Variants in GRM7 observed in about 807,000 individuals in gnomAD.
GRM7 encodes the protein metabotropic glutamate receptor 7.
In GRM7, 35 loss-of-function variants were observed where a neutral mutation model predicts 84.5. The ratio of observed to expected loss-of-function variants is 0.41; its 90% CI spans 0.32 to 0.55. The LOEUF (loss-of-function observed/expected upper bound fraction) is 0.55, where lower values mean the gene tolerates loss of function less well. Among genes scored for constraint, GRM7 ranks in the 20% least tolerant of loss-of-function variants. GRM7 has a pLI of 0.19. For synonymous variants in GRM7, 487 were observed against 455.1 expected (o/e 1.07, Z -0.89); for missense variants, 1,003 against 1,194.6 (o/e 0.84, Z 2.36).
At chr3:7,638,483 GC>G (rs1242827512) in intron 8 of GRM7, among the ~76,000 whole-genome samples, 5 of 152,148 alleles carry the variant, frequency 3.3e-5, no homozygotes, top group African/African-American at 1.2e-4. Flanking sequence ...AAAGTGGGAT[GC>G]CCACTAAGGT....
In GRM7 at chr3:7,435,679, GTTTTTT is replaced by G. The variant is rs71066011; in HGVS notation, c.1175-16907_1175-16902del. Among the ~76,000 whole-genome samples, 611 of 88,518 alleles carry G rather than the reference GTTTTTT, an allele frequency of 6.9e-3. 4 individuals carry two copies. Among genetic ancestry groups the G allele is most frequent in the African/African-American group, 0.026 (540 of 20,600 alleles). 58.1% of individuals were successfully genotyped at this position (88,518 alleles called of 152,430 possible). On this transcript the variant is annotated intron_variant, in intron 5 of 9. Transcript: ENST00000357716. ...AGGCCCTTGCCACCACATCCGGCTA[GTTTTTT>G]TTTTTTTTTTTTTTTTTTTTGAGAC...
intron 5 of GRM7, among the ~76,000 whole-genome samples, chr3:7,447,038 A>G (rs545637098): frequency 7.6e-6 from 1 of 131,290 alleles, no homozygotes; most frequent in East Asian, 2.0e-4. Flanking sequence ...TTTTAAAGAT[A>G]AATACTGGAC....
intron 1 of GRM7, among the ~76,000 whole-genome samples, chr3:6,978,675 C>T (rs1694088591): frequency 6.6e-6 from 1 of 152,050 alleles, no homozygotes; most frequent in African/African-American, 2.4e-5. Context: ...GAGATGATGA[C>T]TTATCTACAT....
chr3:7,613,046 T>G (rs1043183333), intron 8 of GRM7, among the ~76,000 whole-genome samples: 1 of 151,900 alleles, frequency 6.6e-6, no homozygotes, highest in South Asian at 2.1e-4. Flanking sequence ...TTTTTTTTTT[T>G]AACATATTTA....
chr3:7,197,296 C>T (rs1237326584), intron 2 of GRM7, among the ~76,000 whole-genome samples: 1 of 152,196 alleles, frequency 6.6e-6, no homozygotes, highest in Non-Finnish European at 1.5e-5. Flanking sequence ...GCCACTTTGA[C>T]ACTCACCAGT....
At chr3:7,348,734 C>T (rs1693001873) in intron 4 of GRM7, among the ~76,000 whole-genome samples, 1 of 152,092 alleles carries the variant, frequency 6.6e-6, no homozygotes, top group Non-Finnish European at 1.5e-5. Context: ...TATGAGGCTA[C>T]ATCTCAGATC....
chr3:7,317,049 G>A (rs758148381), intron 4 of GRM7, among the ~76,000 whole-genome samples: 1 of 152,148 alleles, frequency 6.6e-6, no homozygotes. Flanking sequence ...TTAGAGTGGA[G>A]CGATTTCATC....
At chr3:6,901,089 A>G (rs997085193) in intron 1 of GRM7, among the ~76,000 whole-genome samples, 2 of 152,210 alleles carry the variant, frequency 1.3e-5, no homozygotes, top group Non-Finnish European at 2.9e-5. Context: ...GATTGGATGT[A>G]TATTACATTT....
At chr3:7,264,566 T>TTCTTCCCCTTCAGCCCAGCA (rs566523657) in intron 2 of GRM7, among the ~76,000 whole-genome samples, 4,842 of 152,164 alleles carry the variant, frequency 0.032, 259 homozygotes, top group African/African-American at 0.11. Context: ...AGTTGCCAGC[T>TTCTTCCCCTTCAGCCCAGCA]TCTTCCCCTT....
chr3:7,327,564 A>G (rs1264178771), intron 4 of GRM7, among the ~76,000 whole-genome samples: 1 of 152,214 alleles, frequency 6.6e-6, no homozygotes, highest in Non-Finnish European at 1.5e-5. Context: ...AGTGTTATCT[A>G]AGTGCAAAAT....
intron 1 of GRM7, among the ~76,000 whole-genome samples, chr3:6,883,901 A>G (rs192721753): frequency 6.6e-6 from 1 of 152,338 alleles, no homozygotes; most frequent in African/African-American, 2.4e-5. Flanking sequence ...CTCTTCTGGA[A>G]ATGAGCAGCA....
chr3:7,076,696 A>G (rs566980447), intron 1 of GRM7, among the ~76,000 whole-genome samples: 29 of 152,298 alleles, frequency 1.9e-4, no homozygotes, highest in African/African-American at 7.0e-4. Context: ...TCTAAAGATC[A>G]CTGTTCAAAG....
Position 6,862,587 on chromosome 3 carries a change from G to A in GRM7, c.519+680G>A, listed in dbSNP as rs1023815482. Among the ~76,000 whole-genome samples, 14 of 152,192 alleles carry A rather than the reference G, an allele frequency of 9.2e-5. No homozygotes were observed. The highest frequency in any genetic ancestry group is 1.8e-4 in the Non-Finnish European group (12 of 68,038). On this transcript the variant is annotated intron_variant, in intron 1 of 9. Transcript: ENST00000357716. This position sits in a 1 kb window ranked among gnomAD's most constrained non-coding sequence, Gnocchi z 5.2. ...GTTGGTTTGCTCCGGGCAATATTTT[G>A]CACCGTCTAAATTACATGTGCGATC...
chr3:7,568,752 G>A (rs1426176380), intron 7 of GRM7, among the ~76,000 whole-genome samples: 9 of 152,274 alleles, frequency 5.9e-5, no homozygotes, highest in African/African-American at 1.7e-4. Flanking sequence ...CAGCGGTTGC[G>A]GAGGGTGTAC....
intron 4 of GRM7, among the ~76,000 whole-genome samples, chr3:7,362,341 TACAC>T (rs35321936): frequency 1.2e-4 from 17 of 147,804 alleles, no homozygotes; most frequent in Non-Finnish European, 1.2e-4. Context: ...TTTTAAAGAA[TACAC>T]ACACACACAC....
intron 2 of GRM7, among the ~76,000 whole-genome samples, chr3:7,278,858 A>C (rs1045464993): frequency 6.6e-6 from 1 of 152,214 alleles, no homozygotes; most frequent in African/African-American, 2.4e-5. Context: ...ATTTGAAAGC[A>C]GAGAAGAAAC....
chr3:7,159,227 T>C (rs1301632067), intron 2 of GRM7, among the ~76,000 whole-genome samples: 1 of 152,092 alleles, frequency 6.6e-6, no homozygotes, highest in Non-Finnish European at 1.5e-5. Flanking sequence ...AAAATGAGTA[T>C]TTTCCCCCTA....
At chr3:7,678,749 G>A (rs1015301355) in intron 8 of GRM7, among the ~76,000 whole-genome samples, 1 of 152,124 alleles carries the variant, frequency 6.6e-6, no homozygotes, top group Admixed American at 6.5e-5. Flanking sequence ...ATTTCCAGAC[G>A]AGATGGCAAA....
chr3:7,203,631 G>A (rs1426620075), intron 2 of GRM7, among the ~76,000 whole-genome samples: 6 of 152,178 alleles, frequency 3.9e-5, no homozygotes, highest in South Asian at 4.2e-4. Context: ...TTGCTGGATC[G>A]TATGTTAGTT....
Sources: allele counts gnomAD v4.1 joint callset (sites outside exome capture counted in the v4.1 genomes callset), GRCh38; gene constraint gnomAD v4.1.1; non-coding constraint Gnocchi (gnomAD v3.1); transcripts MANE v1.5; gene names NCBI Gene and HGNC (gene_info 2026-07-23, HGNC 2026-07-21).